Variants in ST8SIA1 observed in about 807,000 individuals in gnomAD.
The protein encoded by ST8SIA1 is ST8 alpha-N-acetyl-neuraminide alpha-2,8-sialyltransferase 1.
ST8SIA1 carries 16 observed loss-of-function variants against 35.9 expected under a neutral mutation model. The observed-to-expected ratio is 0.45, with a 90% CI of 0.30 to 0.68. The LOEUF (loss-of-function observed/expected upper bound fraction) is 0.68. ST8SIA1 is among the 30% of genes least tolerant of loss of function. The probability of loss-of-function intolerance (pLI) is 0.09; values close to 1 mark genes in which losing one functional copy is unlikely to be tolerated. For synonymous variants in ST8SIA1, 170 were observed against 169.6 expected (o/e 1.00, Z -0.02); for missense variants, 383 against 453.6 (o/e 0.84, Z 1.41).
chr12:22,207,661 TAAAAC>T (rs902290079), intron 4 of ST8SIA1, among the ~76,000 whole-genome samples: 2 of 152,066 alleles, frequency 1.3e-5, no homozygotes, highest in African/African-American at 4.8e-5. Context: ...ATAAAAAAGA[TAAAAC>T]AATTTATATT....
At chr12:22,205,754 T>TA (rs1865099886) in intron 4 of ST8SIA1, among the ~76,000 whole-genome samples, 1 of 151,600 alleles carries the variant, frequency 6.6e-6, no homozygotes, top group Non-Finnish European at 1.5e-5. Flanking sequence ...AATAAATAAA[T>TA]AAAATCTATG....
In ST8SIA1 at chr12:22,199,287, G is replaced by C. The variant is rs185757521; in HGVS notation, c.*2265C>G. On this transcript the variant is annotated 3_prime_UTR_variant, in exon 5 of 5. Transcript: ENST00000396037. ...TCTAGTCCAGATGATATTTTCAATGGAACTGTGATGTATGGGCTCTATGGA... is the reference window on the plus strand; with the variant it reads ...TCTAGTCCAGATGATATTTTCAATGCAACTGTGATGTATGGGCTCTATGGA... 6.6e-6 allele frequency: 1 copy of C among 151,564 alleles called. No individual in the cohort carries two copies. The highest frequency in any genetic ancestry group is 2.4e-5 in the African/African-American group (1 of 41,368). 9.4% of individuals were successfully genotyped at this position (151,564 alleles called of 1,614,324 possible). A position where few individuals can be genotyped will look rare whatever the true frequency, so the allele number is the denominator to read the frequency against.
At chr12:22,235,029 G>A (rs1199891930) in intron 4 of ST8SIA1, among the ~76,000 whole-genome samples, 2 of 152,166 alleles carry the variant, frequency 1.3e-5, no homozygotes, top group Admixed American at 1.3e-4. Flanking sequence ...ATTAGTGTGT[G>A]TATGTGCACG....
At chr12:22,249,411 G>A (rs765121859) in intron 3 of ST8SIA1, among the ~76,000 whole-genome samples, 4 of 151,844 alleles carry the variant, frequency 2.6e-5, no homozygotes, top group South Asian at 2.1e-4. Context: ...TAGTAGAGAC[G>A]GAGTTTCACC....
intron 1 of ST8SIA1, among the ~76,000 whole-genome samples, chr12:22,306,716 G>C (rs1480184498): frequency 6.6e-6 from 1 of 152,012 alleles, no homozygotes; most frequent in Non-Finnish European, 1.5e-5. Flanking sequence ...CTGGACACTT[G>C]GTGTTCCCTT....
chr12:22,255,617 A>G (rs749703426), intron 2 of ST8SIA1, among the ~76,000 whole-genome samples: 1 of 152,226 alleles, frequency 6.6e-6, no homozygotes, highest in Non-Finnish European at 1.5e-5. Flanking sequence ...GCATTTAAAT[A>G]TAACAACATT....
At chr12:22,213,677 G>A (rs990466074) in intron 4 of ST8SIA1, among the ~76,000 whole-genome samples, 1 of 152,154 alleles carries the variant, frequency 6.6e-6, no homozygotes, top group Non-Finnish European at 1.5e-5. Flanking sequence ...GCAGCTAGAG[G>A]TGTAGCTAGC....
chr12:22,219,029 G>A (rs898697374), intron 4 of ST8SIA1, among the ~76,000 whole-genome samples: 19 of 152,022 alleles, frequency 1.2e-4, no homozygotes, highest in Non-Finnish European at 2.4e-4. Context: ...ATTATAAAAT[G>A]TATCATCTTT....
chr12:22,267,947 T>G (rs981271787), intron 2 of ST8SIA1, among the ~76,000 whole-genome samples: 1 of 152,138 alleles, frequency 6.6e-6, no homozygotes, highest in African/African-American at 2.4e-5. Flanking sequence ...ATCCTGCCCA[T>G]TCCCACAGAA....
rs569729052 is a variant in ST8SIA1 at position 22,287,066 on chromosome 12, A to T, written c.381+83T>A. 4.9e-5 allele frequency: 65 copies of T among 1,319,400 alleles called. 2 individuals are homozygous for T. In the South Asian group the frequency reaches 9.6e-4, roughly 19 times the overall value. The allele number at this position is 1,319,400 out of a possible 1,614,324, so 81.7% of individuals were successfully genotyped here. ...AAGAAAACAAAAAGTCAATCTGATG[A>T]GTAAGGCAAACTCAATTATCCCTTT... On this transcript the variant is annotated intron_variant, in intron 2 of 4. Coordinates refer to ENST00000396037, the MANE Select transcript of ST8SIA1 (RefSeq NM_003034.4).
chr12:22,333,059 G>A (rs1190655844), intron 1 of ST8SIA1, among the ~76,000 whole-genome samples: 1 of 152,190 alleles, frequency 6.6e-6, no homozygotes, highest in Non-Finnish European at 1.5e-5. Context: ...AAGCAGCTCT[G>A]CCTTCCCTCC....
At chr12:22,254,583 C>A (rs74738087) in intron 3 of ST8SIA1, among the ~76,000 whole-genome samples, 5 of 152,208 alleles carry the variant, frequency 3.3e-5, no homozygotes, top group Non-Finnish European at 5.9e-5. Flanking sequence ...TCCTTCTATA[C>A]GTGGCTGGTA....
intron 4 of ST8SIA1, among the ~76,000 whole-genome samples, chr12:22,242,617 A>T (rs1300510760): frequency 2.0e-5 from 3 of 152,226 alleles, no homozygotes; most frequent in African/African-American, 7.2e-5. Context: ...CCACTACACA[A>T]TATAGCCATG....
At chr12:22,298,319 C>T (rs567832761) in intron 1 of ST8SIA1, among the ~76,000 whole-genome samples, 3 of 152,184 alleles carry the variant, frequency 2.0e-5, no homozygotes, top group African/African-American at 7.2e-5. Flanking sequence ...GTAAAACAAC[C>T]TGGGGCTTGT....
In ST8SIA1 at chr12:22,201,010, A is replaced by C. The variant is rs1296158630; in HGVS notation, c.*542T>G. 6.6e-6 allele frequency: 1 copy of C among 152,222 alleles called. No homozygotes were observed. Among genetic ancestry groups the C allele is most frequent in the Non-Finnish European group, 1.5e-5 (1 of 68,064 alleles). 9.4% of individuals were successfully genotyped at this position (152,222 alleles called of 1,614,324 possible). A position where few individuals can be genotyped will look rare whatever the true frequency, so the allele number is the denominator to read the frequency against. On this transcript the variant is annotated 3_prime_UTR_variant, in exon 5 of 5. Coordinates refer to ENST00000396037, the MANE Select transcript of ST8SIA1 (RefSeq NM_003034.4). ...TCAACAAATCACAATTATCAGCAGTAACATTTTGTATCTTTATTACTCAGG... is the reference window on the plus strand; with the variant it reads ...TCAACAAATCACAATTATCAGCAGTCACATTTTGTATCTTTATTACTCAGG...
intron 2 of ST8SIA1, among the ~76,000 whole-genome samples, chr12:22,268,199 AATCT>A (rs1273739219): frequency 2.2e-4 from 34 of 152,342 alleles, no homozygotes; most frequent in African/African-American, 7.9e-4. Context: ...AAATGCCAAG[AATCT>A]ATCTAAGCAA....
chr12:22,299,405 T>C (rs1866289853), intron 1 of ST8SIA1, among the ~76,000 whole-genome samples: 1 of 152,116 alleles, frequency 6.6e-6, no homozygotes, highest in Non-Finnish European at 1.5e-5. Context: ...AGGAATCTTA[T>C]ATAGTAAATT....
At chr12:22,269,745 T>C (rs780427594) in intron 2 of ST8SIA1, among the ~76,000 whole-genome samples, 21 of 152,222 alleles carry the variant, frequency 1.4e-4, no homozygotes, top group Non-Finnish European at 2.6e-4. Flanking sequence ...CTTAATTGTA[T>C]GTAAAACACC....
chr12:22,234,259 CA>C lies in ST8SIA1; in HGVS notation c.584+14746del, dbSNP rs34820200. On this transcript the variant is annotated intron_variant, in intron 4 of 4. Transcript: ENST00000396037. ...TGAGTGACAGATCAAAACTCTGTCTCAAAAAAAAAAAAAGATATTATTTACT... is the reference window on the plus strand; with the variant it reads ...TGAGTGACAGATCAAAACTCTGTCTCAAAAAAAAAAAAGATATTATTTACT... Among the ~76,000 whole-genome samples, 1,081 of 138,980 alleles carry C rather than the reference CA, an allele frequency of 7.8e-3. 10 individuals are homozygous for C. The highest frequency in any genetic ancestry group is 0.025 in the African/African-American group (924 of 37,160). The allele number at this position is 138,980 out of a possible 152,430, so 91.2% of individuals were successfully genotyped here. A position where few individuals can be genotyped will look rare whatever the true frequency, so the allele number is the denominator to read the frequency against.
Sources: allele counts gnomAD v4.1 joint callset (sites outside exome capture counted in the v4.1 genomes callset), GRCh38; gene constraint gnomAD v4.1.1; transcripts MANE v1.5; gene names NCBI Gene and HGNC (gene_info 2026-07-23, HGNC 2026-07-21).